Variants in CHRM3 observed in about 807,000 individuals in gnomAD.
CHRM3 encodes the protein muscarinic acetylcholine receptor M3.
CHRM3 carries 11 observed loss-of-function variants against 41.8 expected under a neutral mutation model. That is an observed-to-expected ratio of 0.26 (90% confidence interval 0.17 to 0.44). CHRM3 has a LOEUF of 0.44. CHRM3 is among the 20% of genes least tolerant of loss of function. The pLI is 1.00. For synonymous variants in CHRM3, 297 were observed against 301.4 expected (o/e 0.99, Z 0.15); for missense variants, 571 against 745.4 (o/e 0.77, Z 2.72).
chr1:239,661,502 T>A (rs1431441526), intron 4 of CHRM3, among the ~76,000 whole-genome samples: 1 of 152,186 alleles, frequency 6.6e-6, no homozygotes, highest in East Asian at 1.9e-4. Flanking sequence ...GCTGTCATGT[T>A]GTGTAAAGAC....
At chr1:239,542,145 C>G (rs1455743299) in intron 2 of CHRM3, among the ~76,000 whole-genome samples, 1 of 151,904 alleles carries the variant, frequency 6.6e-6, no homozygotes, top group Non-Finnish European at 1.5e-5. Context: ...ACAGAATGAC[C>G]AAGATATAAC....
At chr1:239,526,572 G>T (rs1670006537) in intron 2 of CHRM3, among the ~76,000 whole-genome samples, 1 of 152,116 alleles carries the variant, frequency 6.6e-6, no homozygotes, top group South Asian at 2.1e-4. Context: ...AAGACATCTG[G>T]CCTCAGCAAG....
chr1:239,527,724 C>G (rs1670089907), intron 2 of CHRM3, among the ~76,000 whole-genome samples: 1 of 152,306 alleles, frequency 6.6e-6, no homozygotes, highest in African/African-American at 2.4e-5. Flanking sequence ...TAATAACTTT[C>G]AACGGTTTAA....
chr1:239,864,537 C>T (rs1408959424), intron 6 of CHRM3, among the ~76,000 whole-genome samples: 2 of 143,236 alleles, frequency 1.4e-5, no homozygotes, highest in Non-Finnish European at 3.0e-5. Flanking sequence ...CACACACACA[C>T]ACACACACGC....
chr1:239,610,822 G>A (rs368429292), intron 3 of CHRM3, among the ~76,000 whole-genome samples: 3 of 152,158 alleles, frequency 2.0e-5, no homozygotes, highest in Non-Finnish European at 4.4e-5. Flanking sequence ...GGGAGGCTGA[G>A]GGGGGCGGAT....
At chr1:239,805,042 C>T (rs1052525008) in intron 5 of CHRM3, among the ~76,000 whole-genome samples, 8 of 152,154 alleles carry the variant, frequency 5.3e-5, no homozygotes, top group South Asian at 2.1e-4. Context: ...ACATAATTTC[C>T]CTTCTGGACC....
rs56966202 is a variant in CHRM3, at chr1:239,839,804, G to T, written c.-20+12426G>T. Among the ~76,000 whole-genome samples the T allele has an allele frequency of 2.8e-3, 418 of 151,402 alleles. 2 individuals are homozygous for T. The highest frequency in any genetic ancestry group is 9.8e-3 in the African/African-American group (404 of 41,218). ...CTATTACATTCAGTGGCGGGGCGGG[G>T]GGGGAGCGGGGAAGGGAGAAGTACT... On this transcript the variant is annotated intron_variant, in intron 6 of 6. Transcript: ENST00000676153.
intron 4 of CHRM3, among the ~76,000 whole-genome samples, chr1:239,642,527 C>T (rs1026665372): frequency 3.8e-4 from 58 of 152,276 alleles, no homozygotes; most frequent in African/African-American, 1.3e-3. Flanking sequence ...CATCTTCCAT[C>T]ACTGATACCT....
intron 1 of CHRM3, among the ~76,000 whole-genome samples, chr1:239,466,014 G>A (rs557692743): frequency 1.3e-5 from 2 of 152,052 alleles, no homozygotes; most frequent in African/African-American, 4.8e-5. Flanking sequence ...TTTTTCCTGA[G>A]ACAGAGTCTC....
intron 3 of CHRM3, among the ~76,000 whole-genome samples, chr1:239,591,564 CTA>C (rs1032818101): frequency 7.3e-5 from 11 of 150,908 alleles, no homozygotes; most frequent in Non-Finnish European, 1.5e-4. Flanking sequence ...AAAATCAAGA[CTA>C]TAGCAAAATT....
intron 1 of CHRM3, among the ~76,000 whole-genome samples, chr1:239,464,004 T>C (rs957978287): frequency 2.0e-5 from 3 of 152,186 alleles, no homozygotes; most frequent in Non-Finnish European, 2.9e-5. Context: ...CGGCCAGGCA[T>C]GGTGGCTCAC....
At chr1:239,877,424 TAAAAA>T (rs11317539) in intron 6 of CHRM3, among the ~76,000 whole-genome samples, 4 of 150,246 alleles carry the variant, frequency 2.7e-5, no homozygotes. Context: ...TCTATAAAAA[TAAAAA>T]AAAAAAGAAA....
At chr1:239,523,684 A>G (rs965989911) in intron 2 of CHRM3, among the ~76,000 whole-genome samples, 3 of 152,172 alleles carry the variant, frequency 2.0e-5, no homozygotes, top group Admixed American at 2.0e-4. Context: ...AGTGTACCCT[A>G]GGGGCATCCA....
intron 5 of CHRM3, among the ~76,000 whole-genome samples, chr1:239,737,260 C>T (rs577233579): frequency 6.6e-6 from 1 of 152,178 alleles, no homozygotes; most frequent in African/African-American, 2.4e-5. Flanking sequence ...CAATTATTGC[C>T]CTTTATCACC....
chr1:239,481,886 G>T (rs959469212), intron 1 of CHRM3, among the ~76,000 whole-genome samples: 23 of 152,178 alleles, frequency 1.5e-4, no homozygotes, highest in Non-Finnish European at 2.9e-4. Context: ...AAGTGGTGCT[G>T]TACTGTGGAG....
At chr1:239,772,544 A>G (rs1007880381) in intron 5 of CHRM3, among the ~76,000 whole-genome samples, 1 of 152,122 alleles carries the variant, frequency 6.6e-6, no homozygotes, top group African/African-American at 2.4e-5. Context: ...CCCAGATCCG[A>G]CCCTATTCTC....
At chr1:239,815,072 G>A (rs956748498) in intron 5 of CHRM3, among the ~76,000 whole-genome samples, 5 of 152,160 alleles carry the variant, frequency 3.3e-5, no homozygotes, top group African/African-American at 7.2e-5. Context: ...CACCATGCCC[G>A]GCCCGCTGTT....
chr1:239,532,482 G>A (rs898146442), intron 2 of CHRM3, among the ~76,000 whole-genome samples: 2 of 151,068 alleles, frequency 1.3e-5, no homozygotes, highest in African/African-American at 4.9e-5. Context: ...AAAATTAGCC[G>A]GACATGGTGG....
At chr1:239,874,834 G>A (rs183160850) in intron 6 of CHRM3, among the ~76,000 whole-genome samples, 1,615 of 152,030 alleles carry the variant, frequency 0.011, 15 homozygotes, top group Non-Finnish European at 0.015. Context: ...GAGTGGCTGG[G>A]ATGACAGGCA....
Sources: gnomAD v4.1 joint callset for allele counts (sites outside exome capture counted in the v4.1 genomes callset) on GRCh38, gnomAD v4.1.1 for gene constraint, MANE v1.5 for transcripts, NCBI Gene and HGNC (gene_info 2026-07-23, HGNC 2026-07-21) for gene names.